The following GATAD2A variants were observed in gnomAD, a reference collection of about 807,000 sequenced individuals.
GATAD2A encodes GATA zinc finger domain containing 2A.
In GATAD2A, 12 loss-of-function variants were observed where a neutral mutation model predicts 68.5. The ratio of observed to expected loss-of-function variants is 0.18; its 90% confidence interval spans 0.11 to 0.28. The LOEUF is 0.28. Ranked by LOEUF, GATAD2A falls within the 10% of genes least tolerant of loss-of-function variation. GATAD2A has a pLI of 1.00. For missense variants in GATAD2A, 755 were observed against 868.5 expected (o/e 0.87, Z 1.64); for synonymous variants, 410 against 375.3 (o/e 1.09, Z -1.07).
chr19:19,495,645 A>C (rs1346297235), intron 5 of GATAD2A, 109 bp from the exon 6 acceptor site: 27 of 1,017,798 alleles, frequency 2.7e-5, no homozygotes, highest in East Asian at 5.3e-5. Context: ...AAAAAAAAAA[A>C]AAAAAAAAAA....
chr19:19,404,572 C>T (rs905207716), upstream of GATAD2A, among the ~76,000 whole-genome samples: 1 of 152,022 alleles, frequency 6.6e-6, no homozygotes, highest in Non-Finnish European at 1.5e-5. Flanking sequence ...ATCCCAGCTA[C>T]TGGGGAGGCT....
At chr19:19,436,089 T>C (rs2054305849) in intron 1 of GATAD2A, 2 of 1,081,674 alleles carry the variant, frequency 1.8e-6, no homozygotes, top group African/African-American at 1.6e-5. Context: ...CCAGAAACCT[T>C]GCTTGGAAAC....
At chr19:19,453,700 G>A (rs1200334974) in intron 1 of GATAD2A, among the ~76,000 whole-genome samples, 2 of 145,928 alleles carry the variant, frequency 1.4e-5, no homozygotes, top group South Asian at 2.2e-4. Context: ...TTTTTGAGAC[G>A]GAGTCTTGCT....
chr19:19,456,514 C>G (rs986549542), intron 1 of GATAD2A, among the ~76,000 whole-genome samples: 2 of 152,224 alleles, frequency 1.3e-5, no homozygotes, highest in African/African-American at 4.8e-5. Context: ...GGGCTCCTAT[C>G]TTACGTCATA....
Position 19,463,231 on chromosome 19 carries a change from G to A in GATAD2A, c.-6-2109G>A, listed in dbSNP as rs573869872. On this transcript the variant is annotated intron_variant, in intron 1 of 11. Transcript: ENST00000683918. ...GGAGAAATGTCCCACCCCTCCCACAGTGAGGGAAATGAGAGGAGGGGACCC... is the reference window on the plus strand; with the variant it reads ...GGAGAAATGTCCCACCCCTCCCACAATGAGGGAAATGAGAGGAGGGGACCC... Among the ~76,000 whole-genome samples, 425 of 152,270 alleles carry A rather than the reference G, an allele frequency of 2.8e-3. 2 individuals carry two copies. The highest frequency in any genetic ancestry group is 8.9e-3 in the African/African-American group (368 of 41,550).
chr19:19,417,360 C>T (rs1309575297), intron 1 of GATAD2A, among the ~76,000 whole-genome samples: 1 of 152,190 alleles, frequency 6.6e-6, no homozygotes, highest in Non-Finnish European at 1.5e-5. Flanking sequence ...ATTCTTACTA[C>T]ATGGCAGAAG....
intron 1 of GATAD2A, among the ~76,000 whole-genome samples, chr19:19,439,884 A>G (rs1341452045): frequency 2.0e-5 from 3 of 152,138 alleles, no homozygotes; most frequent in African/African-American, 4.8e-5. Context: ...AAAAGCAAAA[A>G]GACATGTGTT....
chr19:19,395,933 A>T (rs1185557056), intron 1 of GATAD2A, among the ~76,000 whole-genome samples: 1 of 152,190 alleles, frequency 6.6e-6, no homozygotes, highest in Non-Finnish European at 1.5e-5. Flanking sequence ...CCTCAAAATT[A>T]AACTCAAATC....
At chr19:19,418,371 A>G (rs1365500037) in intron 1 of GATAD2A, among the ~76,000 whole-genome samples, 1 of 152,222 alleles carries the variant, frequency 6.6e-6, no homozygotes, top group African/African-American at 2.4e-5. Flanking sequence ...TGTGACAAGT[A>G]ATAGTTGAAA....
intron 1 of GATAD2A, among the ~76,000 whole-genome samples, chr19:19,454,170 T>C (rs2056693473): frequency 6.8e-6 from 1 of 147,842 alleles, no homozygotes; most frequent in African/African-American, 2.6e-5. Flanking sequence ...GCTAACTTTG[T>C]ATTTTTAGTA....
chr19:19,394,489 A>G (rs972900274), intron 1 of GATAD2A, among the ~76,000 whole-genome samples: 3 of 134,296 alleles, frequency 2.2e-5, no homozygotes, highest in African/African-American at 8.6e-5. Flanking sequence ...TGTGTTGCCC[A>G]GGTTGGAGTG....
At chr19:19,454,536 T>A (rs376184667) in intron 1 of GATAD2A, among the ~76,000 whole-genome samples, 7 of 151,422 alleles carry the variant, frequency 4.6e-5, no homozygotes, top group East Asian at 2.0e-4. Context: ...GAGGCGGAGG[T>A]TGCAGTGAGC....
intron 1 of GATAD2A, chr19:19,458,519 G>T (rs2057142208): frequency 6.6e-6 from 1 of 152,166 alleles, no homozygotes; most frequent in African/African-American, 2.4e-5. Context: ...GATGAATGGT[G>T]AAAAAAAGTT....
intron 1 of GATAD2A, among the ~76,000 whole-genome samples, chr19:19,417,977 C>T (rs1006665161): frequency 1.3e-5 from 2 of 152,110 alleles, no homozygotes; most frequent in Non-Finnish European, 2.9e-5. Flanking sequence ...GGAAACAGGG[C>T]AGGGTGTCAT....
intron 1 of GATAD2A, among the ~76,000 whole-genome samples, chr19:19,463,324 G>A (rs2057610203): frequency 6.6e-6 from 1 of 152,214 alleles, no homozygotes; most frequent in South Asian, 2.1e-4. Flanking sequence ...TTAGTGAGCA[G>A]TTCAGATGGG....
intron 1 of GATAD2A, among the ~76,000 whole-genome samples, chr19:19,411,716 G>T (rs958159421): frequency 9.9e-5 from 15 of 152,152 alleles, no homozygotes; most frequent in Non-Finnish European, 2.9e-5. Context: ...GACCTAACAG[G>T]ATGCTGTGAG....
At chr19:19,429,744 A>G (rs1441835424) in intron 1 of GATAD2A, among the ~76,000 whole-genome samples, 5 of 151,996 alleles carry the variant, frequency 3.3e-5, no homozygotes, top group Non-Finnish European at 7.4e-5. Context: ...GTTTGAGAGC[A>G]GAGGTGGGAA....
intron 1 of GATAD2A, among the ~76,000 whole-genome samples, chr19:19,398,848 C>T (rs952651789): frequency 6.6e-6 from 1 of 151,878 alleles, no homozygotes; most frequent in Non-Finnish European, 1.5e-5. Context: ...ATAACCAGGT[C>T]AGGAGTTTAA....
At position 19,420,980 on chromosome 19, in the gene GATAD2A, T is replaced by A. The variant is rs996520362; in HGVS notation, c.-7+14961T>A. Reference sequence around the variant, plus strand: ...AACATATTAGAGATGATTCTCTTGGTGTCCCCAAAGTTTTCAGAAGTGCGC... The same window carrying A: ...AACATATTAGAGATGATTCTCTTGGAGTCCCCAAAGTTTTCAGAAGTGCGC... On this transcript the variant is annotated intron_variant, in intron 1 of 11. Transcript: ENST00000683918. Among the ~76,000 whole-genome samples the A allele has an allele frequency of 3.3e-5, 5 of 152,256 alleles. No homozygotes were observed. The South Asian group carries it at 1.0e-3, about 31-fold the overall frequency.
Sources: allele counts gnomAD v4.1 joint callset (sites outside exome capture counted in the v4.1 genomes callset), GRCh38; gene constraint gnomAD v4.1.1; transcripts MANE v1.5; gene names NCBI Gene and HGNC (gene_info 2026-07-23, HGNC 2026-07-21).